Variants in FOCAD observed in about 807,000 individuals in gnomAD.
FOCAD encodes focadhesin.
In FOCAD, 198 loss-of-function variants were observed where a neutral mutation model predicts 225.6. The observed-to-expected ratio is 0.88, with a 90% confidence interval of 0.78 to 0.99. The LOEUF is 0.99. Among genes scored for constraint, FOCAD ranks in the 50% least tolerant of loss-of-function variants. FOCAD has a pLI of 0.00. For missense variants in FOCAD, 2,713 were observed against 2,123.6 expected, an observed-to-expected ratio of 1.28 and a Z score of -5.46; for synonymous variants, 897 against 755.0, an observed-to-expected ratio of 1.19 and a Z score of -3.08.
chr9:20,868,207 A>G (rs1587452055), intron 18 of FOCAD, among the ~76,000 whole-genome samples: 1 of 152,258 alleles, frequency 6.6e-6, no homozygotes, highest in South Asian at 2.1e-4. Context: ...TGTAAATTTC[A>G]TATGCAAACA....
At chr9:20,965,346 G>T (rs1312644676) in intron 35 of FOCAD, among the ~76,000 whole-genome samples, 2 of 152,092 alleles carry the variant, frequency 1.3e-5, no homozygotes, top group Non-Finnish European at 2.9e-5. Flanking sequence ...AGGATTCTTT[G>T]GTTTCACAGA....
chr9:20,682,718 C>T (rs904981966), upstream of FOCAD, among the ~76,000 whole-genome samples: 4 of 152,194 alleles, frequency 2.6e-5, no homozygotes, highest in Non-Finnish European at 5.9e-5. Context: ...CCTTATAAAA[C>T]TCCTTTGAAG....
intron 21 of FOCAD, among the ~76,000 whole-genome samples, chr9:20,888,142 T>TTTTTTTTTTTCTTCTTC (rs1831279567): frequency 7.3e-6 from 1 of 136,688 alleles, no homozygotes; most frequent in Non-Finnish European, 1.6e-5. Context: ...TTTTCTTCTT[T>TTTTTTTTTTTCTTCTTC]TTTTTTTTTT....
chr9:20,682,832 G>A (rs146989081), upstream of FOCAD, among the ~76,000 whole-genome samples: 2,049 of 152,242 alleles, frequency 0.013, 46 homozygotes, highest in Middle Eastern at 0.071. Flanking sequence ...GTGCAGTGGC[G>A]CCACCTCGGC....
At chr9:20,691,127 G>A (rs920012913) in intron 1 of FOCAD, among the ~76,000 whole-genome samples, 2 of 152,058 alleles carry the variant, frequency 1.3e-5, no homozygotes, top group Non-Finnish European at 2.9e-5. Context: ...ATTTTTAGTA[G>A]AGATGGGGTT....
At chr9:20,856,236 T>G (rs963299445) in intron 15 of FOCAD, among the ~76,000 whole-genome samples, 1 of 152,042 alleles carries the variant, frequency 6.6e-6, no homozygotes, top group African/African-American at 2.4e-5. Context: ...GGGTTCCCCT[T>G]TCTCCACATT....
At chr9:20,821,960 T>TC (rs1824364591) in intron 14 of FOCAD, among the ~76,000 whole-genome samples, 1 of 144,258 alleles carries the variant, frequency 6.9e-6, no homozygotes, top group South Asian at 2.2e-4. Context: ...GCTTCCATCT[T>TC]TAGCAACACA....
intron 15 of FOCAD, among the ~76,000 whole-genome samples, chr9:20,856,275 T>A (rs1828174222): frequency 6.6e-6 from 1 of 151,994 alleles, no homozygotes; most frequent in African/African-American, 2.4e-5. Flanking sequence ...TGCCCGTCAT[T>A]TGGATAAAAA....
At chr9:20,742,767 G>C (rs1042532408) in intron 5 of FOCAD, among the ~76,000 whole-genome samples, 1 of 152,068 alleles carries the variant, frequency 6.6e-6, no homozygotes, top group Non-Finnish European at 1.5e-5. Context: ...CCTATAGTTG[G>C]TTCCTTTAAC....
intron 19 of FOCAD, chr9:20,875,932 A>C (rs760852063): frequency 2.0e-5 from 3 of 152,174 alleles, no homozygotes; most frequent in Non-Finnish European, 4.4e-5. Flanking sequence ...TAATTTCTGG[A>C]AATGAAGTTC....
chr9:20,871,156 A>G lies in FOCAD; in HGVS notation c.2191-3525A>G, dbSNP rs113858671. Among the ~76,000 whole-genome samples, 992 of 152,052 alleles carry G rather than the reference A, an allele frequency of 6.5e-3. 12 individuals are homozygous for G. The highest frequency in any genetic ancestry group is 0.023 in the African/African-American group (940 of 41,460). ...GAGGTGGAGGTTGCAGTGAGCTGAG[A>G]GCATGCCACTACACTCCAGCCCAGG... is the stretch of plus-strand genomic sequence containing the variant. On this transcript the variant is annotated intron_variant, in intron 18 of 43. Coordinates refer to ENST00000338382, the MANE Select transcript of FOCAD (RefSeq NM_001375567.1).
rs796702774 is a variant in FOCAD, at chr9:20,815,123, G to GGTTTTTTTTTTTTTTTTTTTTTTTTTTTT, written c.1456-4673_1456-4672insGTTTTTTTTTTTTTTTTTTTTTTTTTTTT. Among the ~76,000 whole-genome samples the GGTTTTTTTTTTTTTTTTTTTTTTTTTTTT allele has an allele frequency of 5.6e-4, 48 of 85,382 alleles. 15 individuals are homozygous for GGTTTTTTTTTTTTTTTTTTTTTTTTTTTT. Among genetic ancestry groups the GGTTTTTTTTTTTTTTTTTTTTTTTTTTTT allele is most frequent in the Admixed American group, 1.0e-3 (7 of 6,970 alleles). 56.0% of individuals were successfully genotyped at this position (85,382 alleles called of 152,430 possible). On this transcript the variant is annotated intron_variant, in intron 11 of 43. Coordinates refer to ENST00000338382, the MANE Select transcript of FOCAD (RefSeq NM_001375567.1). ...TCTGGAAATATCATTACTTCTCTTT[G>GGTTTTTTTTTTTTTTTTTTTTTTTTTTTT]TTTTTTTTTTTTTGTTTTTTTTTTT...
chr9:20,683,533 TG>T (rs1822472472), upstream of FOCAD: 1 of 152,110 alleles, frequency 6.6e-6, no homozygotes, highest in Admixed American at 6.5e-5. Context: ...CCTTCTCACG[TG>T]GGAGCCCCTG....
intron 39 of FOCAD, among the ~76,000 whole-genome samples, chr9:20,983,872 G>A (rs1840927786): frequency 6.6e-6 from 1 of 152,056 alleles, no homozygotes; most frequent in Admixed American, 6.6e-5. Context: ...GTCAAGATAA[G>A]GACTCAGTAT....
intron 15 of FOCAD, among the ~76,000 whole-genome samples, chr9:20,851,636 C>T (rs1409368360): frequency 6.6e-6 from 1 of 151,836 alleles, no homozygotes; most frequent in Non-Finnish European, 1.5e-5. Context: ...CAGCTTGAAA[C>T]GAGAATCTCA....
upstream of FOCAD, among the ~76,000 whole-genome samples, chr9:20,680,031 C>A (rs1436306647): frequency 6.6e-6 from 1 of 152,212 alleles, no homozygotes; most frequent in African/African-American, 2.4e-5. Flanking sequence ...GTTCGCCCAA[C>A]TAAGTTAAAC....
intron 1 of FOCAD, among the ~76,000 whole-genome samples, chr9:20,687,785 T>G (rs1209517594): frequency 1.3e-5 from 2 of 152,206 alleles, no homozygotes; most frequent in Non-Finnish European, 2.9e-5. Flanking sequence ...ACTTACAGTA[T>G]TGCATGGACT....
intron 2 of FOCAD, among the ~76,000 whole-genome samples, chr9:20,673,016 G>C (rs1359233596): frequency 6.6e-6 from 1 of 152,150 alleles, no homozygotes. Flanking sequence ...AGTACCAGCA[G>C]TAAAGATACT....
intron 23 of FOCAD, among the ~76,000 whole-genome samples, chr9:20,916,508 C>A (rs959229963): frequency 2.0e-5 from 3 of 152,110 alleles, no homozygotes; most frequent in African/African-American, 7.2e-5. Flanking sequence ...TAAATGCCAC[C>A]ACATTGGGGA....
Sources: gnomAD v4.1 joint callset for allele counts (sites outside exome capture counted in the v4.1 genomes callset) on GRCh38, gnomAD v4.1.1 for gene constraint, MANE v1.5 for transcripts, NCBI Gene and HGNC (gene_info 2026-07-23, HGNC 2026-07-21) for gene names.